Variants in SPIDR observed in about 807,000 individuals in gnomAD.
The protein encoded by SPIDR is scaffold protein involved in DNA repair, also known as DNA repair-scaffolding protein.
In SPIDR, 93 loss-of-function variants were observed where a neutral mutation model predicts 104.6. The observed-to-expected ratio is 0.89, with a 90% CI of 0.75 to 1.06. SPIDR has a LOEUF of 1.06. Ranked by LOEUF, SPIDR falls within the 50% of genes least tolerant of loss-of-function variation. The probability of loss-of-function intolerance (pLI) is 0.00; values close to 1 mark genes in which losing one functional copy is unlikely to be tolerated. For synonymous variants in SPIDR, 431 were observed against 416.9 expected (o/e 1.03, Z -0.41); for missense variants, 1,154 against 1,111.2 (o/e 1.04, Z -0.55).
At chr8:47,659,654 C>T (rs2073713382) in intron 10 of SPIDR, 5 of 944,286 alleles carry the variant, frequency 5.3e-6, no homozygotes, top group Admixed American at 6.9e-5. Context: ...TGGCCCTTCT[C>T]GCCCCCGCCT....
intron 8 of SPIDR, among the ~76,000 whole-genome samples, chr8:47,474,442 G>A (rs2076062460): frequency 1.3e-5 from 2 of 152,206 alleles, no homozygotes; most frequent in South Asian, 4.1e-4. Context: ...GGGAATGCCA[G>A]TGCCTATTAT....
At chr8:47,440,594 A>G (rs1348060752) in intron 8 of SPIDR, 52 bp downstream of exon 8, 3 of 1,535,694 alleles carry the variant, frequency 2.0e-6, no homozygotes, top group Admixed American at 1.9e-5. Context: ...TCAGCCTCGT[A>G]AGAAAAGACA....
chr8:47,359,096 A>T (rs2055173320), intron 5 of SPIDR, among the ~76,000 whole-genome samples: 1 of 152,116 alleles, frequency 6.6e-6, no homozygotes, highest in Non-Finnish European at 1.5e-5. Flanking sequence ...AATTGTTAAA[A>T]AAAAAAGTTT....
chr8:47,336,496 T>C (rs1371089952), intron 5 of SPIDR, among the ~76,000 whole-genome samples: 3 of 152,072 alleles, frequency 2.0e-5, no homozygotes, highest in Non-Finnish European at 4.4e-5. Flanking sequence ...CAGGAAAAAA[T>C]GTAACAATGT....
chr8:47,531,818 C>T (rs1448502440), intron 8 of SPIDR, among the ~76,000 whole-genome samples: 3 of 152,092 alleles, frequency 2.0e-5, no homozygotes, highest in African/African-American at 7.2e-5. Context: ...TGCAGTCTGC[C>T]ATTTACTGAA....
chr8:47,312,641 G>A (rs1413691851), intron 5 of SPIDR, among the ~76,000 whole-genome samples: 2 of 152,110 alleles, frequency 1.3e-5, no homozygotes, highest in Non-Finnish European at 2.9e-5. Flanking sequence ...GATGAGGTAG[G>A]TTGCGAAAAT....
intron 9 of SPIDR, among the ~76,000 whole-genome samples, chr8:47,596,856 C>T (rs933339149): frequency 5.3e-5 from 8 of 151,484 alleles, no homozygotes; most frequent in Non-Finnish European, 1.5e-5. Flanking sequence ...ACTTTTAAAA[C>T]TTTTTTTGTT....
intron 5 of SPIDR, among the ~76,000 whole-genome samples, chr8:47,297,498 G>A (rs1488145094): frequency 6.6e-6 from 1 of 151,816 alleles, no homozygotes; most frequent in Non-Finnish European, 1.5e-5. Flanking sequence ...GGGTACATGT[G>A]CAAAACGTGC....
intron 5 of SPIDR, among the ~76,000 whole-genome samples, chr8:47,305,807 T>G: frequency 6.6e-6 from 1 of 152,366 alleles, no homozygotes; most frequent in Non-Finnish European, 1.5e-5. Context: ...ATGTTTTACA[T>G]TTTAAAATAC....
At chr8:47,522,282 G>T (rs1235325954) in intron 8 of SPIDR, among the ~76,000 whole-genome samples, 1 of 152,104 alleles carries the variant, frequency 6.6e-6, no homozygotes, top group Non-Finnish European at 1.5e-5. Flanking sequence ...CTTCCCAATG[G>T]AGCATGTGCT....
chr8:47,520,627 A>G (rs1201655372), intron 8 of SPIDR, among the ~76,000 whole-genome samples: 1 of 152,212 alleles, frequency 6.6e-6, no homozygotes, highest in Non-Finnish European at 1.5e-5. Flanking sequence ...AGCTAACTGT[A>G]TTTAATGCTT....
Position 47,396,513 on chromosome 8 carries a change from G to A in SPIDR, c.663G>A (p.Glu221=), listed in dbSNP as rs2061265967. 1.2e-6 allele frequency: 2 copies of A among 1,614,106 alleles called. No individual in the cohort carries two copies. Among genetic ancestry groups the A allele is most frequent in the African/African-American group, 2.7e-5 (2 of 75,040 alleles). Residue 221 remains glutamate (E), a synonymous_variant, in exon 6 of 20, where the codon GAG becomes GAA. Coordinates refer to ENST00000297423, the MANE Select transcript of SPIDR (RefSeq NM_001080394.4). ...QFASDARQIM[E]RLIDPRTKST... is the part of the protein sequence containing the mutation. ...CATCGGATGCAAGACAGATTATGGA[G>A]AGACTGATAGATCCAAGGACAAAAT...
chr8:47,292,414 A>T (rs1188017838), intron 4 of SPIDR, among the ~76,000 whole-genome samples: 10 of 152,202 alleles, frequency 6.6e-5, no homozygotes, highest in Non-Finnish European at 1.3e-4. Context: ...TGATTCAACC[A>T]TATTAAATGA....
At chr8:47,734,984 G>C (rs2085951436) in intron 19 of SPIDR, among the ~76,000 whole-genome samples, 2 of 152,194 alleles carry the variant, frequency 1.3e-5, no homozygotes, top group African/African-American at 4.8e-5. Flanking sequence ...GGCACTGTGT[G>C]CCCAGCCCCG....
At chr8:47,535,880 T>C (rs1190444420) in intron 8 of SPIDR, among the ~76,000 whole-genome samples, 1 of 152,134 alleles carries the variant, frequency 6.6e-6, no homozygotes, top group Admixed American at 6.5e-5. Flanking sequence ...GAAATAAAGT[T>C]GTCCTTATTT....
intron 8 of SPIDR, among the ~76,000 whole-genome samples, chr8:47,465,974 C>A (rs116985119): frequency 6.6e-6 from 1 of 151,994 alleles, no homozygotes; most frequent in Non-Finnish European, 1.5e-5. Context: ...GAAGACATAA[C>A]TCCCCTAAAT....
chr8:47,294,712 C>G (rs1586484114), intron 5 of SPIDR, among the ~76,000 whole-genome samples: 1 of 152,182 alleles, frequency 6.6e-6, no homozygotes, highest in Non-Finnish European at 1.5e-5. Context: ...CTCACTGTAG[C>G]CTTGATCTCC....
chr8:47,676,934 T>TTTTG (rs2076521654), intron 11 of SPIDR, among the ~76,000 whole-genome samples: 1 of 152,254 alleles, frequency 6.6e-6, no homozygotes, highest in Non-Finnish European at 1.5e-5. Context: ...GCATCATAGC[T>TTTTG]TTTGTTTCTC....
At chr8:47,608,443 C>T (rs2154429944) in intron 10 of SPIDR, among the ~76,000 whole-genome samples, 1 of 152,238 alleles carries the variant, frequency 6.6e-6, no homozygotes, top group Non-Finnish European at 1.5e-5. Context: ...ATTTTCATTT[C>T]TCTTGAATAT....
Sources: allele counts gnomAD v4.1 joint callset (sites outside exome capture counted in the v4.1 genomes callset), GRCh38; gene constraint gnomAD v4.1.1; transcripts MANE v1.5; gene names NCBI Gene and HGNC (gene_info 2026-07-23, HGNC 2026-07-21).